The following NUMB variants were observed in gnomAD, a reference collection of about 807,000 sequenced individuals.
NUMB encodes the protein NUMB endocytic adaptor protein, also known as protein numb homolog.
Under a neutral mutation model 59.7 loss-of-function variants are expected in NUMB, and 29 were observed. The ratio of observed to expected loss-of-function variants is 0.49; its 90% CI spans 0.36 to 0.66. The LOEUF (loss-of-function observed/expected upper bound fraction) is 0.66. NUMB is among the 30% of genes least tolerant of loss of function. The probability of loss-of-function intolerance (pLI) is 0.00; values close to 1 mark genes in which losing one functional copy is unlikely to be tolerated. For synonymous variants in NUMB, 288 were observed against 288.2 expected (o/e 1.00, Z 0.01); for missense variants, 723 against 822.0 (o/e 0.88, Z 1.47).
chr14:73,322,107 C>T (rs1285269307), intron 5 of NUMB, among the ~76,000 whole-genome samples: 1 of 152,166 alleles, frequency 6.6e-6, no homozygotes, highest in African/African-American at 2.4e-5. Flanking sequence ...TGGCAGCCCA[C>T]CATACCAGCA....
chr14:73,296,322 A>C lies in NUMB; in HGVS notation c.309+889T>G, dbSNP rs903330283. Among the ~76,000 whole-genome samples the C allele has an allele frequency of 2.0e-5, 3 of 151,960 alleles. No homozygotes were observed. The South Asian group carries it at 6.2e-4, about 32-fold the overall frequency. On this transcript the variant is annotated intron_variant, in intron 7 of 12. Transcript: ENST00000555238. The stretch of plus-strand genomic sequence containing the variant: ...GCGGGGCATGGTGGTCTGTGTTTGT[A>C]ATCAGCTACTTGGGAGGTTAAGGCA...
At chr14:73,280,558 A>G (rs1427925778) in intron 11 of NUMB, among the ~76,000 whole-genome samples, 1 of 151,696 alleles carries the variant, frequency 6.6e-6, no homozygotes, top group East Asian at 1.9e-4. Flanking sequence ...AGATACCTAT[A>G]TTAGTTTCTT....
intron 1 of NUMB, among the ~76,000 whole-genome samples, chr14:73,449,930 C>T (rs1323771527): frequency 2.0e-5 from 3 of 152,154 alleles, no homozygotes; most frequent in African/African-American, 7.2e-5. Context: ...TCAGGTGATC[C>T]GCCCACTTTG....
intron 1 of NUMB, among the ~76,000 whole-genome samples, chr14:73,418,980 A>T (rs919025934): frequency 6.6e-6 from 1 of 152,218 alleles, no homozygotes; most frequent in African/African-American, 2.4e-5. Flanking sequence ...TATAGTTCAA[A>T]GCATAATTAC....
intron 1 of NUMB, among the ~76,000 whole-genome samples, chr14:73,443,619 A>G (rs1883242320): frequency 6.6e-6 from 1 of 151,990 alleles, no homozygotes; most frequent in Admixed American, 6.6e-5. Context: ...AAAAGTAGAA[A>G]AAACAGGCTG....
intron 1 of NUMB, among the ~76,000 whole-genome samples, chr14:73,446,378 C>T (rs561502229): frequency 1.9e-4 from 28 of 151,196 alleles, no homozygotes; most frequent in Admixed American, 2.6e-4. Context: ...GAGGCCAAGG[C>T]GGGTAGATCA....
intron 1 of NUMB, among the ~76,000 whole-genome samples, chr14:73,446,968 C>T (rs1883558418): frequency 6.6e-6 from 1 of 151,692 alleles, no homozygotes; most frequent in African/African-American, 2.4e-5. Flanking sequence ...ATGGGCAGAT[C>T]ATGAGGTCAG....
At chr14:73,349,592 AAG>A (rs1189817165) in intron 4 of NUMB, among the ~76,000 whole-genome samples, 1 of 147,760 alleles carries the variant, frequency 6.8e-6, no homozygotes, top group African/African-American at 2.5e-5. Context: ...AAAAAAAAAA[AAG>A]GGTGGCCAGG....
chr14:73,361,435 A>AT (rs1230696067), intron 3 of NUMB, among the ~76,000 whole-genome samples: 5 of 151,828 alleles, frequency 3.3e-5, no homozygotes, highest in Non-Finnish European at 7.4e-5. Context: ...TCTTCCTTTG[A>AT]TTTTTTTGAT....
chr14:73,411,616 C>A (rs1194835409), intron 1 of NUMB, among the ~76,000 whole-genome samples: 3 of 152,168 alleles, frequency 2.0e-5, no homozygotes, highest in Non-Finnish European at 4.4e-5. Flanking sequence ...ACTAAGTTTG[C>A]TCCACTTTAT....
intron 1 of NUMB, among the ~76,000 whole-genome samples, chr14:73,428,756 G>A (rs1474405406): frequency 6.6e-6 from 1 of 152,172 alleles, no homozygotes; most frequent in Non-Finnish European, 1.5e-5. Flanking sequence ...AGGCTGCAGT[G>A]AGCTATGATC....
At chr14:73,402,882 T>G (rs1019810926) in intron 2 of NUMB, among the ~76,000 whole-genome samples, 3 of 152,230 alleles carry the variant, frequency 2.0e-5, no homozygotes, top group African/African-American at 7.2e-5. Flanking sequence ...ATGTGTATTA[T>G]GTAATAATAA....
rs1315441701 is a variant in NUMB at position 73,279,422 on chromosome 14, T to C, written c.1099A>G (p.Asn367Asp). 6.3e-7 allele frequency: 1 copy of C among 1,579,024 alleles called. No individual in the cohort carries two copies. Among genetic ancestry groups the C allele is most frequent in the Non-Finnish European group, 8.6e-7 (1 of 1,162,956 alleles). Residue 367 changes from asparagine to aspartate, a missense_variant and splice_region_variant, in exon 12 of 13, where the codon AAT (asparagine) becomes GAT (aspartate). Asn to Asp is a conservative substitution (Grantham distance 23, BLOSUM62 1). This residue lies in a region of NUMB where 406 missense variants were observed against 385.4 expected (regional missense o/e 1.05). Coordinates refer to ENST00000555238, the MANE Select transcript of NUMB (RefSeq NM_001005743.2). ...ACATGGAAGGCTGAGTCAGTGCCAT[T>C]AGCTACAACGGGAGCAGACAACATC... is the stretch of plus-strand genomic sequence containing the variant. ...VAPQSPTFQANGTDSAFHVLA... is the reference protein window; with the variant it reads ...VAPQSPTFQADGTDSAFHVLA...
chr14:73,408,877 C>CAAAA (rs368923818), intron 2 of NUMB, among the ~76,000 whole-genome samples: 7 of 124,444 alleles, frequency 5.6e-5, no homozygotes, highest in Middle Eastern at 4.5e-3. Context: ...AACTCCTTCT[C>CAAAA]AAAAAAAAAA....
intron 1 of NUMB, among the ~76,000 whole-genome samples, chr14:73,420,444 A>AT (rs953591643): frequency 1.9e-4 from 29 of 151,346 alleles, no homozygotes; most frequent in Admixed American, 6.6e-4. Context: ...ATTGATTCAC[A>AT]TTTTTTTTTC....
intron 8 of NUMB, among the ~76,000 whole-genome samples, chr14:73,292,164 G>A (rs1889447104): frequency 6.6e-6 from 1 of 151,912 alleles, no homozygotes; most frequent in Admixed American, 6.6e-5. Context: ...GCCTCCCAAG[G>A]CATGTAGAAT....
chr14:73,300,805 C>T (rs1192516193), intron 6 of NUMB, among the ~76,000 whole-genome samples: 1 of 152,132 alleles, frequency 6.6e-6, no homozygotes, highest in South Asian at 2.1e-4. Context: ...TTCCTCCCCC[C>T]TCCCCTCACC....
At chr14:73,286,912 A>C (rs1889047149) in intron 9 of NUMB, 198 bp downstream of exon 9, 2 of 595,986 alleles carry the variant, frequency 3.4e-6, no homozygotes, top group Admixed American at 5.6e-5. Flanking sequence ...GCTTACTATA[A>C]TGGAGTAAAT....
intron 2 of NUMB, among the ~76,000 whole-genome samples, chr14:73,382,323 T>A (rs1895285342): frequency 6.6e-6 from 1 of 152,048 alleles, no homozygotes; most frequent in Non-Finnish European, 1.5e-5. Flanking sequence ...ATTTTTGTAT[T>A]TTTAGTAGAG....
Sources: allele counts gnomAD v4.1 joint callset (sites outside exome capture counted in the v4.1 genomes callset), GRCh38; gene constraint gnomAD v4.1.1; regional missense constraint gnomAD v4.1.1; transcripts MANE v1.5; gene names NCBI Gene and HGNC (gene_info 2026-07-23, HGNC 2026-07-21).